Variants in NCOA6 observed in about 807,000 individuals in gnomAD.
NCOA6 encodes the protein nuclear receptor coactivator 6.
NCOA6 carries 49 observed loss-of-function variants against 171.4 expected under a neutral mutation model. That is an observed-to-expected ratio of 0.29 (90% CI 0.23 to 0.36). The LOEUF (loss-of-function observed/expected upper bound fraction) is 0.36, where lower values mean the gene tolerates loss of function less well. Among genes scored for constraint, NCOA6 ranks in the 10% least tolerant of loss-of-function variants. The pLI is 1.00. For missense variants in NCOA6, 2,248 were observed against 2,554.5 expected, an observed-to-expected ratio of 0.88 and a Z score of 2.59; for synonymous variants, 910 against 927.5, an observed-to-expected ratio of 0.98 and a Z score of 0.34.
intron 8 of NCOA6, among the ~76,000 whole-genome samples, chr20:34,752,949 C>T (rs2076534904): frequency 6.8e-6 from 1 of 147,386 alleles, no homozygotes; most frequent in African/African-American, 2.5e-5. Flanking sequence ...AGAAAACAAA[C>T]AAAAAACATG....
intron 13 of NCOA6, among the ~76,000 whole-genome samples, chr20:34,729,300 A>C (rs1990332597): frequency 6.6e-6 from 1 of 152,214 alleles, no homozygotes; most frequent in Admixed American, 6.5e-5. Flanking sequence ...CTGTGTGAAA[A>C]AGACTAGAAG....
chr20:34,783,258 G>A (rs943981530), intron 2 of NCOA6, among the ~76,000 whole-genome samples: 3 of 152,002 alleles, frequency 2.0e-5, no homozygotes, highest in Non-Finnish European at 2.9e-5. Flanking sequence ...CTCCAGCCTG[G>A]GCAACAGAGC....
intron 2 of NCOA6, among the ~76,000 whole-genome samples, chr20:34,789,703 G>C (rs2077807848): frequency 6.6e-6 from 1 of 152,176 alleles, no homozygotes. Flanking sequence ...AGCCTGAGGG[G>C]AGTGAGGGGA....
intron 1 of NCOA6, among the ~76,000 whole-genome samples, chr20:34,813,983 A>T (rs949945691): frequency 6.6e-6 from 1 of 152,214 alleles, no homozygotes; most frequent in African/African-American, 2.4e-5. Flanking sequence ...ATTCTAAGAA[A>T]AAAACTGGAA....
rs111447277 is a variant in NCOA6, at chr20:34,782,874, G to A, written c.-49-470C>T. 6.9e-4 allele frequency among the ~76,000 whole-genome samples: 105 copies of A among 152,092 alleles called. 2 individuals are homozygous for A. Among genetic ancestry groups the A allele is most frequent in the African/African-American group, 2.2e-3 (93 of 41,474 alleles). ...CAACCAGACCTGACTAATAGCAACTGGATGATTACCTAAAATTCTGAAGTC... is the reference window on the plus strand; with the variant it reads ...CAACCAGACCTGACTAATAGCAACTAGATGATTACCTAAAATTCTGAAGTC... On this transcript the variant is annotated intron_variant, in intron 2 of 14. Transcript: ENST00000359003.
chr20:34,784,662 C>G (rs1204708160), intron 2 of NCOA6, among the ~76,000 whole-genome samples: 1 of 151,842 alleles, frequency 6.6e-6, no homozygotes, highest in Admixed American at 6.6e-5. Flanking sequence ...ATGCCTATAG[C>G]CCCAGCTACT....
chr20:34,783,984 T>C (rs2077590848), intron 2 of NCOA6, among the ~76,000 whole-genome samples: 1 of 152,078 alleles, frequency 6.6e-6, no homozygotes, highest in Non-Finnish European at 1.5e-5. Context: ...TTATTTATAT[T>C]ATTAAAGTAT....
chr20:34,740,083 G>A (rs536800556), intron 11 of NCOA6, among the ~76,000 whole-genome samples: 3 of 152,186 alleles, frequency 2.0e-5, no homozygotes, highest in Admixed American at 6.5e-5. Flanking sequence ...GGCTGGTCTC[G>A]AATTCCTGAC....
chr20:34,742,362 A>G lies in NCOA6; in HGVS notation c.3894T>C (p.Ala1298=). 2 of 1,614,226 alleles carry G rather than the reference A, an allele frequency of 1.2e-6. No homozygotes were observed. Among genetic ancestry groups the G allele is most frequent in the Non-Finnish European group, 1.7e-6 (2 of 1,180,040 alleles). ...AATCTAATTTGTGAGTTTGTGGGGTAGCAAAATTGGAAGGATTCATGGTAA... is the reference window on the plus strand; with the variant it reads ...AATCTAATTTGTGAGTTTGTGGGGTGGCAAAATTGGAAGGATTCATGGTAA... The part of the protein sequence containing the change: ...SNLTMNPSNF[A]TPQTHKLDSV... Residue 1298 remains alanine, a synonymous_variant, in exon 11 of 15, where the codon GCT becomes GCC. Coordinates refer to ENST00000359003, the MANE Select transcript of NCOA6 (RefSeq NM_014071.5).
intron 5 of NCOA6, among the ~76,000 whole-genome samples, chr20:34,761,792 A>G (rs2076826908): frequency 5.3e-5 from 8 of 151,996 alleles, no homozygotes. Context: ...AGTAGATAGG[A>G]CTACAGGCAC....
rs1378238269 is a variant in NCOA6, at chr20:34,757,361, G to C, written c.1387C>G (p.Leu463Val). ...MGPRPPQNNP[L>V]PQGFQQPVSS... is the part of the protein sequence containing the mutation. ...ACAGGCTGCTGAAATCCCTGGGGAA[G>C]TGGGTTATTTTGAGGTGGCCTTGGT... Residue 463 changes from leucine (L) to valine (V), a missense_variant, in exon 7 of 15, where the codon CTT (leucine) becomes GTT (valine). Transcript: ENST00000359003. 1 of 1,614,208 alleles carries C rather than the reference G, an allele frequency of 6.2e-7. No individual in the cohort carries two copies. Among genetic ancestry groups the C allele is most frequent in the Admixed American group, 1.7e-5 (1 of 60,030 alleles).
At chr20:34,789,547 C>G (rs2077799147) in intron 2 of NCOA6, among the ~76,000 whole-genome samples, 1 of 152,078 alleles carries the variant, frequency 6.6e-6, no homozygotes, top group Admixed American at 6.6e-5. Context: ...CCGAGGTGGG[C>G]AGACGGCTTG....
At chr20:34,723,026 A>G (rs1413735749) in intron 14 of NCOA6, among the ~76,000 whole-genome samples, 3 of 152,206 alleles carry the variant, frequency 2.0e-5, no homozygotes, top group Non-Finnish European at 4.4e-5. Flanking sequence ...CAAAGCAAGA[A>G]AAAACGAAAG....
chr20:34,756,325 G>T (rs1294793922), intron 7 of NCOA6, among the ~76,000 whole-genome samples: 3 of 152,196 alleles, frequency 2.0e-5, no homozygotes, highest in Non-Finnish European at 4.4e-5. Context: ...GTAAAAGGCT[G>T]ATGAGCAACT....
intron 14 of NCOA6, among the ~76,000 whole-genome samples, chr20:34,715,940 G>A (rs1988509422): frequency 1.3e-5 from 2 of 152,218 alleles, no homozygotes; most frequent in South Asian, 4.1e-4. Context: ...TGGAAGGCTG[G>A]GCGTGGTGGC....
Position 34,743,024 on chromosome 20 carries a change from C to G in NCOA6, c.3232G>C (p.Val1078Leu). Residue 1078 changes from valine (V) to leucine (L), a missense_variant, in exon 11 of 15, where the codon GTC becomes CTC. Physicochemically the swap from Val to Leu is conservative, Grantham distance 32. This residue lies in a region of NCOA6 where 352 missense variants were observed against 419.1 expected (regional missense o/e 0.84). Transcript: ENST00000359003. ...GCAGGTCCTTGCAGACTGACCATGA[C>G]AGGCACACTGCCACTCTGTTGCATG... The part of the protein sequence containing the change: ...MPMQQSGSVP[V>L]MVSLQGPASV... 6.2e-7 allele frequency: 1 copy of G among 1,613,790 alleles called. No individual in the cohort carries two copies.
intron 12 of NCOA6, 167 bp from the exon 13 acceptor site, chr20:34,732,762 G>C: frequency 1.8e-6 from 1 of 552,842 alleles, no homozygotes. Context: ...ATACAACTTG[G>C]TTTGTTTGGG....
rs1264828139 is a variant in NCOA6 at position 34,742,929 on chromosome 20, T to C, written c.3327A>G (p.Ser1109=). Residue 1109 remains serine (S), a synonymous_variant, in exon 11 of 15, where the codon TCA becomes TCG. Transcript: ENST00000359003. ...GGCTCTCCTGATAGACCATTTTCCT[T>C]GAATTGCTTCCCAAGGGAGTATTCA... ...MPVNTPLGSN[S]RKMVYQESPQ... is the part of the protein sequence containing the mutation. 1 of 1,614,186 alleles carries C rather than the reference T, an allele frequency of 6.2e-7. No individual in the cohort carries two copies.
At chr20:34,736,644 A>C in intron 12 of NCOA6, 46 bp downstream of exon 12, 1 of 1,506,240 alleles carries the variant, frequency 6.6e-7, no homozygotes, top group South Asian at 1.2e-5. Flanking sequence ...GTTCCTTCAC[A>C]TGTAACCCAT....
Sources: allele counts gnomAD v4.1 joint callset (sites outside exome capture counted in the v4.1 genomes callset), GRCh38; gene constraint gnomAD v4.1.1; regional missense constraint gnomAD v4.1.1; transcripts MANE v1.5; gene names NCBI Gene and HGNC (gene_info 2026-07-23, HGNC 2026-07-21).